Variants in NPRL3 observed in about 807,000 individuals in gnomAD.
NPRL3 encodes the protein GATOR1 complex protein NPRL3.
In NPRL3, 23 loss-of-function variants were observed where a neutral mutation model predicts 57.2. That is an observed-to-expected ratio of 0.40 (90% CI 0.29 to 0.57). NPRL3 has a LOEUF of 0.57. Among genes scored for constraint, NPRL3 ranks in the 20% least tolerant of loss-of-function variants. The pLI, the probability that NPRL3 is intolerant of heterozygous loss-of-function variation, is 0.42. For synonymous variants in NPRL3, 333 were observed against 321.1 expected, an observed-to-expected ratio of 1.04 and a Z score of -0.39; for missense variants, 691 against 767.1, an observed-to-expected ratio of 0.90 and a Z score of 1.17.
chr16:89,251 A>G (rs1478456651), intron 12 of NPRL3: 2 of 296,788 alleles, frequency 6.7e-6, no homozygotes, highest in East Asian at 6.5e-5. Flanking sequence ...GCCTACAGCC[A>G]GACCTCAGCC....
intron 8 of NPRL3, among the ~76,000 whole-genome samples, chr16:99,989 A>AAAAAAAG (rs1899207340): frequency 2.8e-5 from 4 of 143,562 alleles, no homozygotes; most frequent in African/African-American, 1.2e-4. Flanking sequence ...AAAAAGAAAA[A>AAAAAAAG]AAAAAGAAAA....
At chr16:135,503 G>A (rs1379576563) in intron 2 of NPRL3, among the ~76,000 whole-genome samples, 1 of 151,746 alleles carries the variant, frequency 6.6e-6, no homozygotes, top group African/African-American at 2.4e-5. Flanking sequence ...CAGCTACTCG[G>A]GAGGCTGGGA....
chr16:116,709 T>G (rs1247029010), intron 5 of NPRL3, among the ~76,000 whole-genome samples: 1 of 148,904 alleles, frequency 6.7e-6, no homozygotes, highest in Non-Finnish European at 1.5e-5. Flanking sequence ...ACGCCTGTAA[T>G]CCCAGCAGTC....
chr16:109,963 C>T (rs962685091), intron 7 of NPRL3, among the ~76,000 whole-genome samples: 51 of 151,808 alleles, frequency 3.4e-4, no homozygotes, highest in African/African-American at 1.1e-3. Flanking sequence ...AGAGTGCACC[C>T]TACTCAGCAA....
At chr16:135,870 A>G (rs1901051011) in intron 2 of NPRL3, among the ~76,000 whole-genome samples, 1 of 152,024 alleles carries the variant, frequency 6.6e-6, no homozygotes, top group Non-Finnish European at 1.5e-5. Flanking sequence ...ATCTATAAGG[A>G]AAAAAAATCA....
intron 2 of NPRL3, among the ~76,000 whole-genome samples, chr16:136,786 T>TGGAAACTGAG (rs1901109133): frequency 6.6e-6 from 1 of 151,686 alleles, no homozygotes; most frequent in African/African-American, 2.4e-5. Flanking sequence ...ACCCCTATGA[T>TGGAAACTGAG]GGAAACTGAG....
chr16:105,042 G>A (rs554428197), intron 7 of NPRL3, among the ~76,000 whole-genome samples: 1 of 152,234 alleles, frequency 6.6e-6, no homozygotes, highest in African/African-American at 2.4e-5. Flanking sequence ...GTGTTTAATG[G>A]TTTGGTCTGA....
intron 6 of NPRL3, among the ~76,000 whole-genome samples, chr16:110,891 T>C (rs1274425550): frequency 6.6e-6 from 1 of 152,138 alleles, no homozygotes; most frequent in Non-Finnish European, 1.5e-5. Flanking sequence ...GGATTACAGG[T>C]GTGAGCTACC....
At chr16:122,804 T>TCC (rs1192595401) in intron 3 of NPRL3, among the ~76,000 whole-genome samples, 1 of 151,146 alleles carries the variant, frequency 6.6e-6, no homozygotes, top group Non-Finnish European at 1.5e-5. Flanking sequence ...TCAGTTCTGC[T>TCC]CCCCCCACCC....
intron 9 of NPRL3, among the ~76,000 whole-genome samples, chr16:93,754 C>T (rs1158330497): frequency 6.6e-6 from 1 of 152,244 alleles, no homozygotes; most frequent in East Asian, 1.9e-4. Flanking sequence ...TTAGTAGAGA[C>T]AGGGTTTCAC....
intron 11 of NPRL3, 99 bp from the exon 12 acceptor site, chr16:90,001 C>G: frequency 8.7e-7 from 1 of 1,143,932 alleles, no homozygotes; most frequent in Non-Finnish European, 1.2e-6. Flanking sequence ...CAGCACGCTC[C>G]CTGTGCTGAC....
At chr16:120,134 C>T (rs1436456348) in intron 3 of NPRL3, among the ~76,000 whole-genome samples, 1 of 152,166 alleles carries the variant, frequency 6.6e-6, no homozygotes, top group East Asian at 1.9e-4. Flanking sequence ...GCTCTAGAAA[C>T]ACAAATGTAC....
chr16:130,277 T>G (rs981419073), intron 3 of NPRL3, among the ~76,000 whole-genome samples: 1 of 152,350 alleles, frequency 6.6e-6, no homozygotes, highest in East Asian at 1.9e-4. Flanking sequence ...TGGCCTCATC[T>G]GTGCTCTGAC....
chr16:130,450 T>G, intron 3 of NPRL3, 72 bp downstream of exon 3: 2 of 1,421,914 alleles, frequency 1.4e-6, no homozygotes, highest in Non-Finnish European at 1.9e-6. Context: ...TCTGGGTGAA[T>G]AGGAGGGTGG....
intron 3 of NPRL3, among the ~76,000 whole-genome samples, chr16:120,577 G>A (rs1322190140): frequency 2.6e-5 from 4 of 152,144 alleles, no homozygotes; most frequent in Admixed American, 1.3e-4. Flanking sequence ...CTAACCATCC[G>A]AAGTCACCCT....
intron 4 of NPRL3, 124 bp downstream of exon 4, chr16:119,002 A>G (rs9924290): frequency 7.1e-7 from 1 of 1,403,952 alleles, no homozygotes; most frequent in African/African-American, 1.5e-5. Flanking sequence ...AAGGAGAGCC[A>G]CACCTGCCCA....
intron 8 of NPRL3, among the ~76,000 whole-genome samples, chr16:99,348 G>C (rs1899165982): frequency 6.6e-6 from 1 of 152,168 alleles, no homozygotes; most frequent in South Asian, 2.1e-4. Flanking sequence ...TTTCCTTGCA[G>C]AAAATCAATT....
chr16:91,661 C>T (rs2562181), intron 11 of NPRL3, among the ~76,000 whole-genome samples: 17,852 of 152,246 alleles, frequency 0.12, 2,394 homozygotes, highest in African/African-American at 0.33. Flanking sequence ...GCACTGAGAG[C>T]TCTGTCAGGT....
At position 86,747 on chromosome 16, in the gene NPRL3, G is replaced by A. The variant is rs370315887; in HGVS notation, c.1668C>T (p.His556=). The A allele has an allele frequency of 9.5e-6, 15 of 1,581,018 alleles. No homozygotes were observed. The Admixed American group carries it at 1.5e-4, about 16-fold the overall frequency. Residue 556 remains histidine, a synonymous_variant, in exon 14 of 14, where the codon CAC becomes CAT. Coordinates refer to ENST00000611875, the MANE Select transcript of NPRL3 (RefSeq NM_001077350.3). Reference sequence around the variant, plus strand: ...GGAAGACGGCAATGACAGGGTCCTCGTGGGTGGTCACCACCAGCACGCTGC... The same window carrying A: ...GGAAGACGGCAATGACAGGGTCCTCATGGGTGGTCACCACCAGCACGCTGC... ...KFRSVLVVTT[H]EDPVIAVFQA... is the part of the protein sequence containing the mutation.
Sources: gnomAD v4.1 joint callset for allele counts (sites outside exome capture counted in the v4.1 genomes callset) on GRCh38, gnomAD v4.1.1 for gene constraint, MANE v1.5 for transcripts, NCBI Gene and HGNC (gene_info 2026-07-23, HGNC 2026-07-21) for gene names.